Variants in UPF1 observed in about 807,000 individuals in gnomAD.
UPF1 encodes the protein UPF1 RNA helicase and ATPase.
A neutral mutation model predicts 129.2 loss-of-function variants in UPF1; 9 were observed. The ratio of observed to expected loss-of-function variants is 0.07; its 90% confidence interval spans 0.04 to 0.12. The LOEUF (loss-of-function observed/expected upper bound fraction) is 0.12. UPF1 is among the 10% of genes least tolerant of loss of function. The pLI, the probability that UPF1 is intolerant of heterozygous loss-of-function variation, is 1.00. For synonymous variants in UPF1, 649 were observed against 644.9 expected (o/e 1.01, Z -0.10); for missense variants, 788 against 1,525.3 (o/e 0.52, Z 8.05).
intron 3 of UPF1, 145 bp from the exon 4 acceptor site, chr19:18,849,930 C>A: frequency 1.0e-6 from 1 of 989,714 alleles, no homozygotes; most frequent in Non-Finnish European, 1.5e-6. Context: ...GAGGGCTGGC[C>A]CCCAGAGATG....
intron 3 of UPF1, 42 bp downstream of exon 3, chr19:18,847,875 G>T: frequency 6.3e-7 from 1 of 1,576,366 alleles, no homozygotes; most frequent in African/African-American, 1.3e-5. Context: ...TCAGTGCTGT[G>T]CTCAGATTTG....
At chr19:18,841,682 G>T (rs1343621637) in intron 1 of UPF1, among the ~76,000 whole-genome samples, 1 of 152,228 alleles carries the variant, frequency 6.6e-6, no homozygotes, top group African/African-American at 2.4e-5. Flanking sequence ...CTTGCTGAAG[G>T]TGTGGAGTGG....
chr19:18,860,503 A>C, intron 16 of UPF1, 65 bp downstream of exon 16: 1 of 1,513,536 alleles, frequency 6.6e-7, no homozygotes, highest in Admixed American at 1.8e-5. Flanking sequence ...TTGTTGACCC[A>C]TTCTACTTAT....
chr19:18,834,362 C>T (rs1195357145), intron 1 of UPF1, among the ~76,000 whole-genome samples: 1 of 152,158 alleles, frequency 6.6e-6, no homozygotes, highest in Non-Finnish European at 1.5e-5. Context: ...AAACAGCAAA[C>T]CTGGGGCAGC....
At chr19:18,854,037 C>T (rs891065144) in intron 8 of UPF1, among the ~76,000 whole-genome samples, 8 of 152,160 alleles carry the variant, frequency 5.3e-5, no homozygotes, top group East Asian at 1.9e-4. Flanking sequence ...CACGTGAGAC[C>T]GGTTTTGGGG....
rs555396119 is a variant in UPF1, at chr19:18,856,726, C to G, written c.1825-151C>G. On this transcript the variant is annotated intron_variant, in intron 13 of 23. Coordinates refer to ENST00000262803, the MANE Select transcript of UPF1 (RefSeq NM_002911.4). Reference sequence around the variant, plus strand: ...AAGTTTGTAATCACCACAGCCTGGACCATGTATCTTGTCTGGGAGGGACAG... The same window carrying G: ...AAGTTTGTAATCACCACAGCCTGGAGCATGTATCTTGTCTGGGAGGGACAG... The G allele has an allele frequency of 2.6e-6, 3 of 1,171,082 alleles. No homozygotes were observed. The South Asian group carries it at 4.9e-5, about 19-fold the overall frequency. 72.5% of individuals were successfully genotyped at this position (1,171,082 alleles called of 1,614,324 possible). A position where few individuals can be genotyped will look rare whatever the true frequency, so the allele number is the denominator to read the frequency against.
In UPF1 at chr19:18,866,754, G is replaced by A. The variant is rs1223082619; in HGVS notation, c.*237G>A. 2.0e-5 allele frequency: 3 copies of A among 152,508 alleles called. No individual in the cohort carries two copies. Among genetic ancestry groups the A allele is most frequent in the Non-Finnish European group, 2.9e-5 (2 of 68,048 alleles). The allele number at this position is 152,508 out of a possible 1,614,324, so 9.4% of individuals were successfully genotyped here. A position where few individuals can be genotyped will look rare whatever the true frequency, so the allele number is the denominator to read the frequency against. On this transcript the variant is annotated 3_prime_UTR_variant, in exon 24 of 24. Coordinates refer to ENST00000262803, the MANE Select transcript of UPF1 (RefSeq NM_002911.4). ...GGAGGGGCCGGCCCGCGGGAGCCGC[G>A]GCCACCAGGAGGCCCCGCTCCGTCC...
chr19:18,850,711 G>A lies in UPF1; in HGVS notation c.653G>A (p.Ser218Asn). 2 of 1,606,650 alleles carry A rather than the reference G, an allele frequency of 1.2e-6. No individual in the cohort carries two copies. The highest frequency in any genetic ancestry group is 1.7e-6 in the Non-Finnish European group (2 of 1,176,620). The change falls in exon 5 of 24, where the codon AGC becomes AAC. Residue 218 changes from serine (S) to asparagine (N), a missense_variant. By Grantham distance (46) the Ser-to-Asn change is conservative. Coordinates refer to ENST00000262803, the MANE Select transcript of UPF1 (RefSeq NM_002911.4). The surrounding 1 kb of genome is among the most constrained non-coding windows in gnomAD (Gnocchi z 7.1). The part of the protein sequence containing the change: ...LCRQPCASQS[S>N]LKDINWDSSQ... ...AGGCAGCCCTGTGCCAGCCAGAGCA[G>A]CCTCAAGGACATCAACTGGGACAGC...
At chr19:18,864,748 T>A (rs2055822399) in intron 20 of UPF1, among the ~76,000 whole-genome samples, 2 of 143,146 alleles carry the variant, frequency 1.4e-5, no homozygotes, top group South Asian at 4.6e-4. Context: ...TTTTTTTTTT[T>A]TTTTTTTTGG....
Position 18,857,037 on chromosome 19 carries a change from G to A in UPF1, c.1968+17G>A. ...GCCAAGCAGGTGGGCTGCCTCCCCTGCCCTCCTGTGTGAAAACTCGTGTGT... is the reference window on the plus strand; with the variant it reads ...GCCAAGCAGGTGGGCTGCCTCCCCTACCCTCCTGTGTGAAAACTCGTGTGT... On this transcript the variant is annotated intron_variant, in intron 14 of 23. Coordinates refer to ENST00000262803, the MANE Select transcript of UPF1 (RefSeq NM_002911.4). 1 of 1,599,832 alleles carries A rather than the reference G, an allele frequency of 6.3e-7. No individual in the cohort carries two copies.
At position 18,863,549 on chromosome 19, in the gene UPF1, C is replaced by T. The variant is rs763331117; in HGVS notation, c.2712C>T (p.Asn904=). ...AGGTGCTGGTGGAGGGGCCGCTCAA[C>T]AACCTGCGTGAGAGCCTCATGCAGT... ...EQKVLVEGPL[N]NLRESLMQFS... is the part of the protein sequence containing the mutation. The change falls in exon 19 of 24, where the codon AAC becomes AAT. Residue 904 remains asparagine (N), a synonymous_variant. Transcript: ENST00000262803. The T allele has an allele frequency of 2.5e-6, 4 of 1,613,726 alleles. No individual in the cohort carries two copies. The highest frequency in any genetic ancestry group is 1.7e-5 in the Admixed American group (1 of 59,994).
intron 14 of UPF1, 90 bp downstream of exon 14, chr19:18,857,110 T>A (rs1331123552): frequency 1.3e-6 from 2 of 1,546,812 alleles, no homozygotes; most frequent in Non-Finnish European, 1.7e-6. Flanking sequence ...TGACGTAGGA[T>A]GCCCAGCAGA....
intron 13 of UPF1, 143 bp downstream of exon 13, chr19:18,856,443 T>C (rs1209977218): frequency 3.2e-5 from 25 of 776,054 alleles, no homozygotes; most frequent in Non-Finnish European, 4.0e-6. Flanking sequence ...CTGCGCTCAG[T>C]TGTACAGTAA....
intron 11 of UPF1, 194 bp from the exon 12 acceptor site, chr19:18,855,731 C>A: frequency 1.3e-6 from 1 of 751,420 alleles, no homozygotes; most frequent in Non-Finnish European, 2.1e-6. Context: ...ACCTGTGGTC[C>A]CAGCTACTCA....
intron 18 of UPF1, 146 bp downstream of exon 18, chr19:18,862,298 CTT>C (rs1555700623): frequency 7.5e-7 from 1 of 1,336,896 alleles, no homozygotes; most frequent in Non-Finnish European, 1.0e-6. Flanking sequence ...CTGGAGAGAT[CTT>C]TGTTTCCGTG....
Position 18,852,307 on chromosome 19 carries a change from C to T in UPF1, c.972+11C>T, listed in dbSNP as rs749982825. On this transcript the variant is annotated intron_variant, in intron 6 of 23. Transcript: ENST00000262803. Reference sequence around the variant, plus strand: ...CTGAAGGAGTCCCAGGTGATGTGTGCGAGAGGGCTTGGCCTGGGGTGGGCT... The same window carrying T: ...CTGAAGGAGTCCCAGGTGATGTGTGTGAGAGGGCTTGGCCTGGGGTGGGCT... 2.0e-5 allele frequency: 33 copies of T among 1,612,044 alleles called. No individual in the cohort carries two copies. The highest frequency in any genetic ancestry group is 6.7e-5 in the African/African-American group (5 of 74,752).
At chr19:18,848,227 C>T (rs1025735525) in intron 3 of UPF1, 19 of 197,776 alleles carry the variant, frequency 9.6e-5, no homozygotes, top group Admixed American at 3.3e-4. Context: ...CGGAGCTGTC[C>T]GGAGGCTAAT....
Position 18,863,567 on chromosome 19 carries a change from C to T in UPF1, c.2730C>T (p.Leu910=). The T allele has an allele frequency of 6.2e-7, 1 of 1,613,782 alleles. No individual in the cohort carries two copies. The highest frequency in any genetic ancestry group is 8.5e-7 in the Non-Finnish European group (1 of 1,179,900). ...EGPLNNLRES[L]MQFSKPRKLV... is the part of the protein sequence containing the mutation. ...CGCTCAACAACCTGCGTGAGAGCCTCATGCAGTTCAGCAAGCCACGGAAGC... is the reference window on the plus strand; with the variant it reads ...CGCTCAACAACCTGCGTGAGAGCCTTATGCAGTTCAGCAAGCCACGGAAGC... The change falls in exon 19 of 24, where the codon CTC becomes CTT. Residue 910 remains leucine, a synonymous_variant. Transcript: ENST00000262803.
At chr19:18,835,840 A>G (rs1381935666) in intron 1 of UPF1, among the ~76,000 whole-genome samples, 1 of 152,230 alleles carries the variant, frequency 6.6e-6, no homozygotes, top group Non-Finnish European at 1.5e-5. Context: ...TGGGCCGCGT[A>G]GTAACCTTGG....
Sources: allele counts gnomAD v4.1 joint callset (sites outside exome capture counted in the v4.1 genomes callset), GRCh38; gene constraint gnomAD v4.1.1; non-coding constraint Gnocchi (gnomAD v3.1); transcripts MANE v1.5; gene names NCBI Gene and HGNC (gene_info 2026-07-23, HGNC 2026-07-21).